Variants in EBF1 observed in about 807,000 individuals in gnomAD.
EBF1 encodes transcription factor COE1.
A neutral mutation model predicts 68.4 loss-of-function variants in EBF1; 10 were observed. The ratio of observed to expected loss-of-function variants is 0.15; its 90% CI spans 0.09 to 0.25. The LOEUF is 0.25. Ranked by LOEUF, EBF1 falls within the 10% of genes least tolerant of loss-of-function variation. The pLI is 1.00. For missense variants in EBF1, 509 were observed against 794.4 expected (o/e 0.64, Z 4.32); for synonymous variants, 298 against 299.8 (o/e 0.99, Z 0.06).
intron 6 of EBF1, among the ~76,000 whole-genome samples, chr5:158,981,144 C>G (rs1757816342): frequency 6.6e-6 from 1 of 151,548 alleles, no homozygotes; most frequent in African/African-American, 2.4e-5. Flanking sequence ...GGTAGCTAAC[C>G]ATTTCCAAAT....
chr5:158,859,873 T>C (rs1418858750), intron 6 of EBF1, among the ~76,000 whole-genome samples: 3 of 152,244 alleles, frequency 2.0e-5, no homozygotes, highest in African/African-American at 7.2e-5. Context: ...ACTTTGCCTA[T>C]CTGCATTTAC....
intron 6 of EBF1, among the ~76,000 whole-genome samples, chr5:158,875,056 T>TACACACACACACACACACACACATACAC (rs1797579104): frequency 4.8e-5 from 7 of 147,302 alleles, no homozygotes. Flanking sequence ...CACACACACA[T>TACACACACACACACACACACACATACAC]ACACACACAC....
At chr5:158,941,362 A>G (rs1813336410) in intron 6 of EBF1, 2 of 424,286 alleles carry the variant, frequency 4.7e-6, no homozygotes, top group South Asian at 3.4e-5. Context: ...CAAAGGAACC[A>G]ATACAATGGA....
At chr5:158,959,750 A>T (rs555159552) in intron 6 of EBF1, among the ~76,000 whole-genome samples, 4 of 152,282 alleles carry the variant, frequency 2.6e-5, no homozygotes, top group African/African-American at 7.2e-5. Flanking sequence ...ACATTACTCA[A>T]CTTTCTAAAG....
At chr5:158,766,829 A>G (rs1184283188) in intron 10 of EBF1, among the ~76,000 whole-genome samples, 1 of 152,174 alleles carries the variant, frequency 6.6e-6, no homozygotes, top group African/African-American at 2.4e-5. Context: ...ATATAAACCT[A>G]TTGTGACTTG....
At chr5:158,967,645 G>C (rs1754445273) in intron 6 of EBF1, among the ~76,000 whole-genome samples, 1 of 152,220 alleles carries the variant, frequency 6.6e-6, no homozygotes, top group African/African-American at 2.4e-5. Flanking sequence ...GAAAATTTTA[G>C]AGAGGGAAAG....
intron 6 of EBF1, among the ~76,000 whole-genome samples, chr5:158,952,691 A>T (rs1327685533): frequency 1.3e-5 from 2 of 152,216 alleles, no homozygotes; most frequent in Non-Finnish European, 2.9e-5. Flanking sequence ...CAGCAATATT[A>T]CTTTTCATTA....
intron 6 of EBF1, among the ~76,000 whole-genome samples, chr5:159,029,050 C>A (rs955131580): frequency 2.0e-5 from 3 of 152,010 alleles, no homozygotes; most frequent in African/African-American, 2.4e-5. Flanking sequence ...TTCTATAAAG[C>A]CTTAAACCAA....
intron 10 of EBF1, among the ~76,000 whole-genome samples, chr5:158,743,325 A>C (rs775174704): frequency 5.9e-5 from 9 of 152,226 alleles, no homozygotes; most frequent in Non-Finnish European, 1.0e-4. Context: ...GGAGTTATAC[A>C]AAAGATGTGT....
At chr5:159,054,460 C>T (rs1774382607) in intron 6 of EBF1, among the ~76,000 whole-genome samples, 1 of 152,122 alleles carries the variant, frequency 6.6e-6, no homozygotes, top group Non-Finnish European at 1.5e-5. Context: ...TTTTCTGTTT[C>T]TCAGTCTCTC....
At chr5:159,015,216 G>C (rs1233693974) in intron 6 of EBF1, among the ~76,000 whole-genome samples, 1 of 152,160 alleles carries the variant, frequency 6.6e-6, no homozygotes, top group Non-Finnish European at 1.5e-5. Flanking sequence ...AAATGTAATA[G>C]GATGTAACTT....
intron 5 of EBF1, among the ~76,000 whole-genome samples, chr5:159,077,574 C>T (rs1778998685): frequency 6.6e-6 from 1 of 152,062 alleles, no homozygotes; most frequent in South Asian, 2.1e-4. Context: ...ATAAGCCCCA[C>T]AAAGACAGTC....
intron 6 of EBF1, among the ~76,000 whole-genome samples, chr5:158,843,401 G>A (rs1790723249): frequency 6.6e-6 from 1 of 152,216 alleles, no homozygotes; most frequent in Non-Finnish European, 1.5e-5. Flanking sequence ...AGGATCTTCT[G>A]CCTCAAAGAT....
intron 6 of EBF1, among the ~76,000 whole-genome samples, chr5:158,841,023 T>C (rs954103555): frequency 6.6e-5 from 10 of 152,174 alleles, no homozygotes; most frequent in Non-Finnish European, 7.3e-5. Flanking sequence ...TGTGATTGAA[T>C]AAAGATTTTC....
rs189040272 is a variant in EBF1 at position 159,044,660 on chromosome 5, A to C, written c.554+28736T>G. ...TAAAAGTAAAATTATATTCTTCTAA[A>C]GTGCAGGTCCCCAAGATTTTTCTCT... On this transcript the variant is annotated intron_variant, in intron 6 of 15. Coordinates refer to ENST00000313708, the MANE Select transcript of EBF1 (RefSeq NM_024007.5). Among the ~76,000 whole-genome samples, 134 of 152,318 alleles carry C rather than the reference A, an allele frequency of 8.8e-4. 1 individual carries two copies. The Middle Eastern group carries it at 0.01, about 12-fold the overall frequency.
intron 6 of EBF1, among the ~76,000 whole-genome samples, chr5:158,932,405 T>C (rs1189043396): frequency 6.6e-6 from 1 of 152,148 alleles, no homozygotes. Context: ...TATGTCCTCA[T>C]ATTCATAAAT....
chr5:158,708,274 G>A (rs966070694), intron 14 of EBF1, 101 bp from the exon 15 acceptor site: 13 of 1,210,710 alleles, frequency 1.1e-5, no homozygotes, highest in Admixed American at 4.5e-5. Flanking sequence ...GCTCTGCCCT[G>A]CTCAGACGAT....
At chr5:158,883,579 G>T (rs1799396585) in intron 6 of EBF1, among the ~76,000 whole-genome samples, 1 of 152,082 alleles carries the variant, frequency 6.6e-6, no homozygotes, top group South Asian at 2.1e-4. Context: ...TGGTAGCCTT[G>T]AATCAGCACC....
chr5:158,987,313 C>A (rs1476105749), intron 6 of EBF1: 1 of 152,158 alleles, frequency 6.6e-6, no homozygotes, highest in East Asian at 1.9e-4. Context: ...GTATAATAAA[C>A]CCCAGATAAG....
Sources: gnomAD v4.1 joint callset for allele counts (sites outside exome capture counted in the v4.1 genomes callset) on GRCh38, gnomAD v4.1.1 for gene constraint, MANE v1.5 for transcripts, NCBI Gene and HGNC (gene_info 2026-07-23, HGNC 2026-07-21) for gene names.